Variants in GRM5 observed in about 807,000 individuals in gnomAD.
The protein encoded by GRM5 is metabotropic glutamate receptor 5.
A neutral mutation model predicts 83.1 loss-of-function variants in GRM5; 19 were observed. The ratio of observed to expected loss-of-function variants is 0.23; its 90% CI spans 0.16 to 0.34. The LOEUF is 0.34. GRM5 is among the 10% of genes least tolerant of loss of function. GRM5 has a pLI of 1.00. For missense variants in GRM5, 1,160 were observed against 1,588.3 expected (o/e 0.73, Z 4.58); for synonymous variants, 675 against 633.6 (o/e 1.07, Z -0.98).
chr11:88,987,290 C>T (rs547017800), intron 2 of GRM5, among the ~76,000 whole-genome samples: 2 of 152,270 alleles, frequency 1.3e-5, no homozygotes, highest in Non-Finnish European at 2.9e-5. Flanking sequence ...CCAAATACTG[C>T]GCTTTTCCGA....
intron 3 of GRM5, among the ~76,000 whole-genome samples, chr11:88,728,459 G>A (rs1003182251): frequency 3.9e-5 from 6 of 152,074 alleles, no homozygotes; most frequent in African/African-American, 1.2e-4. Context: ...CGAGGAGCTG[G>A]TACCATTACT....
At chr11:88,529,326 A>G (rs1941954217) in intron 8 of GRM5, among the ~76,000 whole-genome samples, 1 of 151,428 alleles carries the variant, frequency 6.6e-6, no homozygotes, top group Non-Finnish European at 1.5e-5. Context: ...AACAAATACA[A>G]GAAGGGTTAC....
rs139070828 is a variant in GRM5, at chr11:88,884,146, A to G, written c.662-33991T>C. On this transcript the variant is annotated intron_variant, in intron 2 of 9. Coordinates refer to ENST00000305447, the MANE Select transcript of GRM5 (RefSeq NM_001143831.3). ...TGCCTGGAAAAGCCACAGATACTCA[A>G]TGCCAGCTCATGACAAGAGCTGGAG... Among the ~76,000 whole-genome samples the G allele has an allele frequency of 3.8e-4, 57 of 150,360 alleles. No homozygotes were observed. The East Asian group carries it at 0.011, about 29-fold the overall frequency.
At chr11:88,948,540 G>T (rs941626680) in intron 2 of GRM5, among the ~76,000 whole-genome samples, 3 of 152,134 alleles carry the variant, frequency 2.0e-5, no homozygotes, top group African/African-American at 7.2e-5. Flanking sequence ...ATGTTTCCCA[G>T]TTAACTTAGG....
intron 8 of GRM5, among the ~76,000 whole-genome samples, chr11:88,560,426 C>T (rs7924572): frequency 0.047 from 7,113 of 152,054 alleles, 518 homozygotes; most frequent in African/African-American, 0.16. Flanking sequence ...TGAGGGCTTC[C>T]CAAAGATTGT....
At chr11:88,707,111 A>G (rs1941179320) in intron 3 of GRM5, among the ~76,000 whole-genome samples, 1 of 152,040 alleles carries the variant, frequency 6.6e-6, no homozygotes, top group Non-Finnish European at 1.5e-5. Context: ...ATCCTGGCTT[A>G]GTGATTAAGA....
At chr11:88,915,080 A>G (rs1205586337) in intron 2 of GRM5, among the ~76,000 whole-genome samples, 3 of 152,202 alleles carry the variant, frequency 2.0e-5, no homozygotes, top group Non-Finnish European at 2.9e-5. Context: ...GGAATAATCA[A>G]TAACTATACT....
At chr11:88,813,598 C>T (rs1267516443) in intron 3 of GRM5, among the ~76,000 whole-genome samples, 1 of 152,146 alleles carries the variant, frequency 6.6e-6, no homozygotes, top group Non-Finnish European at 1.5e-5. Context: ...AAACATATCT[C>T]AAAAAGCCCC....
chr11:88,862,684 G>T lies in GRM5; in HGVS notation c.662-12529C>A, dbSNP rs1191718022. Among the ~76,000 whole-genome samples, 3 of 152,028 alleles carry T rather than the reference G, an allele frequency of 2.0e-5. No individual in the cohort carries two copies. The East Asian group carries it at 5.8e-4, about 29-fold the overall frequency. On this transcript the variant is annotated intron_variant, in intron 2 of 9. Transcript: ENST00000305447. ...TTTTTTTAAGTTCTGGGACACATGT[G>T]CAGGATGTGCAGGTTTGTTACATAG... is the stretch of plus-strand genomic sequence containing the variant.
chr11:88,712,247 T>C (rs549255530), intron 3 of GRM5, among the ~76,000 whole-genome samples: 2 of 152,046 alleles, frequency 1.3e-5, no homozygotes. Context: ...CTGAGGTCCA[T>C]TATTTTTGTT....
chr11:88,575,499 C>G (rs1253048269), intron 7 of GRM5, among the ~76,000 whole-genome samples: 1 of 152,180 alleles, frequency 6.6e-6, no homozygotes, highest in Non-Finnish European at 1.5e-5. Context: ...TAGTAGGAAA[C>G]AGAATCATGA....
intron 3 of GRM5, among the ~76,000 whole-genome samples, chr11:88,799,385 T>C (rs1002626547): frequency 6.6e-6 from 1 of 151,612 alleles, no homozygotes. Context: ...ATTAATATCA[T>C]TTTTTGTAAC....
intron 2 of GRM5, among the ~76,000 whole-genome samples, chr11:88,890,579 C>G (rs1432927311): frequency 2.0e-5 from 3 of 152,018 alleles, no homozygotes; most frequent in Admixed American, 1.3e-4. Context: ...TAAAAATAAT[C>G]TTAAGGATTA....
chr11:88,865,369 A>C (rs2135555301), intron 2 of GRM5, among the ~76,000 whole-genome samples: 1 of 152,232 alleles, frequency 6.6e-6, no homozygotes, highest in South Asian at 2.1e-4. Flanking sequence ...GCAGAAAACG[A>C]AAACTGGATC....
chr11:88,633,206 G>A (rs1242436957), intron 4 of GRM5, among the ~76,000 whole-genome samples: 1 of 151,968 alleles, frequency 6.6e-6, no homozygotes, highest in Non-Finnish European at 1.5e-5. Flanking sequence ...TAAAAGAAAT[G>A]GCTTTTCATT....
chr11:88,720,811 T>TGTGCGTGC (rs1555001341), intron 3 of GRM5, among the ~76,000 whole-genome samples: 2 of 131,794 alleles, frequency 1.5e-5, no homozygotes, highest in African/African-American at 6.4e-5. Flanking sequence ...TGTGTGTGTG[T>TGTGCGTGC]GTGTGTGTGC....
At chr11:88,650,119 A>G (rs2135301729) in intron 4 of GRM5, among the ~76,000 whole-genome samples, 1 of 152,058 alleles carries the variant, frequency 6.6e-6, no homozygotes, top group Admixed American at 6.6e-5. Flanking sequence ...TTATACAAAG[A>G]GATGAAACAA....
chr11:88,946,633 G>C (rs756883662), intron 2 of GRM5, among the ~76,000 whole-genome samples: 1 of 152,044 alleles, frequency 6.6e-6, no homozygotes, highest in African/African-American at 2.4e-5. Context: ...CTGACATAAC[G>C]ATGGCGATAA....
At chr11:88,981,124 C>T (rs572595) in intron 2 of GRM5, among the ~76,000 whole-genome samples, 9 of 152,314 alleles carry the variant, frequency 5.9e-5, no homozygotes, top group African/African-American at 1.9e-4. Flanking sequence ...TCTGTGATCT[C>T]TGCCTCTTCA....
Sources: gnomAD v4.1 joint callset for allele counts (sites outside exome capture counted in the v4.1 genomes callset) on GRCh38, gnomAD v4.1.1 for gene constraint, MANE v1.5 for transcripts, NCBI Gene and HGNC (gene_info 2026-07-23, HGNC 2026-07-21) for gene names.